The following RHOJ variants were observed in gnomAD, a reference collection of about 807,000 sequenced individuals.
RHOJ encodes the protein ras homolog family member J.
In RHOJ, 11 loss-of-function variants were observed where a neutral mutation model predicts 23.4. The ratio of observed to expected loss-of-function variants is 0.47; its 90% CI spans 0.30 to 0.78. The LOEUF (loss-of-function observed/expected upper bound fraction) is 0.78, where lower values mean the gene tolerates loss of function less well. Among genes scored for constraint, RHOJ ranks in the 30% least tolerant of loss-of-function variants. The probability of loss-of-function intolerance (pLI) is 0.08; values close to 1 mark genes in which losing one functional copy is unlikely to be tolerated. For missense variants in RHOJ, 254 were observed against 273.4 expected (o/e 0.93, Z 0.50); for synonymous variants, 102 against 102.7 (o/e 0.99, Z 0.04).
intron 2 of RHOJ, among the ~76,000 whole-genome samples, chr14:63,276,806 T>TA (rs1240959535): frequency 2.6e-5 from 4 of 152,340 alleles, no homozygotes; most frequent in South Asian, 2.1e-4. Flanking sequence ...GCCACTGGGT[T>TA]AAAAAATCAG....
chr14:63,247,884 G>A (rs932332508), intron 1 of RHOJ, among the ~76,000 whole-genome samples: 15 of 152,180 alleles, frequency 9.9e-5, no homozygotes, highest in African/African-American at 3.4e-4. Context: ...CATGGCAGAA[G>A]GCAAAGGGCA....
At chr14:63,290,845 A>C in intron 4 of RHOJ, 33 bp from the exon 5 acceptor site, 1 of 1,571,920 alleles carries the variant, frequency 6.4e-7, no homozygotes, top group Non-Finnish European at 8.6e-7. Flanking sequence ...TCTCTTTTTT[A>C]TCTCTCATGC....
intron 1 of RHOJ, among the ~76,000 whole-genome samples, chr14:63,254,998 C>T (rs1895138100): frequency 6.6e-6 from 1 of 152,208 alleles, no homozygotes. Flanking sequence ...CCCCATCGCT[C>T]ACTTCCCTCC....
At chr14:63,231,425 T>C (rs964529811) in intron 1 of RHOJ, among the ~76,000 whole-genome samples, 71 of 152,356 alleles carry the variant, frequency 4.7e-4, no homozygotes, top group African/African-American at 1.6e-3. Context: ...CTTTATAACA[T>C]GCTCTGCTTC....
intron 1 of RHOJ, among the ~76,000 whole-genome samples, chr14:63,237,804 C>T (rs1894815730): frequency 6.6e-6 from 1 of 152,050 alleles, no homozygotes; most frequent in Non-Finnish European, 1.5e-5. Flanking sequence ...CGGTGTGGAT[C>T]GTCAGACTAT....
chr14:63,241,167 G>A lies in RHOJ; in HGVS notation c.179-27943G>A, dbSNP rs75530969. Among the ~76,000 whole-genome samples the A allele has an allele frequency of 3.8e-3, 577 of 152,324 alleles. 5 individuals are homozygous for A. The highest frequency in any genetic ancestry group is 0.013 in the African/African-American group (547 of 41,576). ...GTGCAGTGGAGGCCACGCCATACGCGCATTCATTCCATGGTCATTGAAGTC... is the reference window on the plus strand; with the variant it reads ...GTGCAGTGGAGGCCACGCCATACGCACATTCATTCCATGGTCATTGAAGTC... On this transcript the variant is annotated intron_variant, in intron 1 of 4. Coordinates refer to ENST00000316754, the MANE Select transcript of RHOJ (RefSeq NM_020663.5).
At chr14:63,217,734 A>G (rs1894396964) in intron 1 of RHOJ, among the ~76,000 whole-genome samples, 1 of 152,166 alleles carries the variant, frequency 6.6e-6, no homozygotes, top group Non-Finnish European at 1.5e-5. Flanking sequence ...AAAAGAAACT[A>G]CCATCAGAGT....
chr14:63,215,057 G>C (rs1894325066), intron 1 of RHOJ, among the ~76,000 whole-genome samples: 1 of 152,136 alleles, frequency 6.6e-6, no homozygotes, highest in South Asian at 2.1e-4. Context: ...CATTCATCCA[G>C]CCTTGTGATT....
intron 1 of RHOJ, among the ~76,000 whole-genome samples, chr14:63,245,942 G>A (rs1176000932): frequency 2.6e-5 from 4 of 152,148 alleles, no homozygotes; most frequent in African/African-American, 7.2e-5. Context: ...TATTAATCAG[G>A]TAATGGATGT....
intron 1 of RHOJ, among the ~76,000 whole-genome samples, chr14:63,232,175 C>T (rs891449800): frequency 6.6e-6 from 1 of 152,192 alleles, no homozygotes; most frequent in Admixed American, 6.5e-5. Context: ...AAATCATTTT[C>T]AACTAGAGAA....
rs1894522611 is a variant in RHOJ, at chr14:63,222,795, A to G, written c.178+17748A>G. On this transcript the variant is annotated intron_variant, in intron 1 of 4. Coordinates refer to ENST00000316754, the MANE Select transcript of RHOJ (RefSeq NM_020663.5). ...TAGGTTGCCTGTTCACTCTGATGGT[A>G]GTTTCTTTTGCTGTGCAGAAGCTCT... is the stretch of plus-strand genomic sequence containing the variant. Among the ~76,000 whole-genome samples, 2 of 152,124 alleles carry G rather than the reference A, an allele frequency of 1.3e-5. 1 individual carries two copies. Among genetic ancestry groups the G allele is most frequent in the South Asian group, 4.1e-4 (2 of 4,828 alleles).
intron 1 of RHOJ, among the ~76,000 whole-genome samples, chr14:63,206,442 A>G (rs1020110298): frequency 5.3e-5 from 8 of 152,240 alleles, no homozygotes; most frequent in Non-Finnish European, 1.0e-4. Flanking sequence ...GCGCCTTGAG[A>G]AAGTTCCTCA....
intron 2 of RHOJ, among the ~76,000 whole-genome samples, chr14:63,270,805 G>A (rs922682689): frequency 6.6e-6 from 1 of 152,080 alleles, no homozygotes; most frequent in Non-Finnish European, 1.5e-5. Context: ...CCTCTCTCTG[G>A]TCCCTCTGGC....
chr14:63,231,880 T>C (rs1404229459), intron 1 of RHOJ, among the ~76,000 whole-genome samples: 1 of 152,216 alleles, frequency 6.6e-6, no homozygotes, highest in Non-Finnish European at 1.5e-5. Context: ...ATGCTCAGTT[T>C]CCTATATCCA....
intron 1 of RHOJ, among the ~76,000 whole-genome samples, chr14:63,249,319 A>G (rs1895028556): frequency 6.6e-6 from 1 of 152,244 alleles, no homozygotes; most frequent in African/African-American, 2.4e-5. Context: ...GAATCTTCCC[A>G]CAGCAACAGG....
intron 1 of RHOJ, among the ~76,000 whole-genome samples, chr14:63,220,429 TG>T (rs1894464496): frequency 6.6e-6 from 1 of 150,630 alleles, no homozygotes; most frequent in African/African-American, 2.5e-5. Flanking sequence ...AACCTGCACA[TG>T]TATCCCTGAA....
At chr14:63,250,138 C>T (rs1895043862) in intron 1 of RHOJ, among the ~76,000 whole-genome samples, 1 of 152,154 alleles carries the variant, frequency 6.6e-6, no homozygotes, top group African/African-American at 2.4e-5. Context: ...TTCCCTGGGC[C>T]ACTGTAATAT....
intron 1 of RHOJ, among the ~76,000 whole-genome samples, chr14:63,258,398 T>C (rs1895216302): frequency 6.6e-6 from 1 of 152,012 alleles, no homozygotes; most frequent in Non-Finnish European, 1.5e-5. Flanking sequence ...GAGAAAGATA[T>C]GAGGTTAGTA....
chr14:63,263,622 A>G (rs918325790), intron 1 of RHOJ, among the ~76,000 whole-genome samples: 1 of 152,198 alleles, frequency 6.6e-6, no homozygotes, highest in Non-Finnish European at 1.5e-5. Context: ...ACACAGACAG[A>G]CTAGACAGCC....
Sources: allele counts gnomAD v4.1 joint callset (sites outside exome capture counted in the v4.1 genomes callset), GRCh38; gene constraint gnomAD v4.1.1; transcripts MANE v1.5; gene names NCBI Gene and HGNC (gene_info 2026-07-23, HGNC 2026-07-21).